LDB2: variants seen among roughly 807,000 people sequenced by gnomAD.
LDB2 encodes the protein LIM domain-binding protein 2.
A neutral mutation model predicts 44.3 loss-of-function variants in LDB2; 12 were observed. The observed-to-expected ratio is 0.27, with a 90% CI of 0.17 to 0.44. The LOEUF (loss-of-function observed/expected upper bound fraction) is 0.44. Ranked by LOEUF, LDB2 falls within the 20% of genes least tolerant of loss-of-function variation. The pLI, the probability that LDB2 is intolerant of heterozygous loss-of-function variation, is 1.00. For missense variants in LDB2, 344 were observed against 473.5 expected (o/e 0.73, Z 2.54); for synonymous variants, 164 against 174.8 (o/e 0.94, Z 0.49).
At chr4:16,603,612 T>G (rs1235803315) in intron 2 of LDB2, among the ~76,000 whole-genome samples, 4 of 152,196 alleles carry the variant, frequency 2.6e-5, no homozygotes, top group Non-Finnish European at 5.9e-5. Flanking sequence ...TCTGACAGAT[T>G]TATTTTTGCC....
chr4:16,663,372 G>C (rs1294546758), intron 2 of LDB2, among the ~76,000 whole-genome samples: 1 of 152,174 alleles, frequency 6.6e-6, no homozygotes, highest in Admixed American at 6.5e-5. Flanking sequence ...TATTAATTGG[G>C]ACGTAACTGA....
chr4:16,660,349 T>A (rs1301173479), intron 2 of LDB2, among the ~76,000 whole-genome samples: 1 of 152,178 alleles, frequency 6.6e-6, no homozygotes, highest in Non-Finnish European at 1.5e-5. Context: ...ACAGGCTCAC[T>A]GAAACTCAAT....
At chr4:16,602,521 CT>C (rs1211461657) in intron 2 of LDB2, among the ~76,000 whole-genome samples, 1 of 152,128 alleles carries the variant, frequency 6.6e-6, no homozygotes, top group East Asian at 1.9e-4. Context: ...GTGGGACTTT[CT>C]AAACCACGGC....
At chr4:16,802,153 T>A (rs1356818553) in intron 1 of LDB2, among the ~76,000 whole-genome samples, 4 of 152,150 alleles carry the variant, frequency 2.6e-5, no homozygotes, top group African/African-American at 9.7e-5. Context: ...CTGCCCCATC[T>A]CCACAGTGAG....
intron 2 of LDB2, among the ~76,000 whole-genome samples, chr4:16,700,113 T>C (rs1753121698): frequency 1.3e-5 from 2 of 152,148 alleles, no homozygotes; most frequent in South Asian, 4.2e-4. Context: ...AATGCTCCAA[T>C]GAACATTTCC....
At chr4:16,716,015 C>A (rs1240154674) in intron 2 of LDB2, among the ~76,000 whole-genome samples, 1 of 152,258 alleles carries the variant, frequency 6.6e-6, no homozygotes, top group East Asian at 1.9e-4. Flanking sequence ...CTCCCAGTAA[C>A]TTCTTAGGCT....
In LDB2 at chr4:16,895,977, C is replaced by A. The variant is rs115740446; in HGVS notation, c.132+2377G>T. Reference sequence around the variant, plus strand: ...CTCCCCTTTTCATATGAAATAAAAACAAATGTATGGCATTGCGTTCATGAC... The same window carrying A: ...CTCCCCTTTTCATATGAAATAAAAAAAAATGTATGGCATTGCGTTCATGAC... On this transcript the variant is annotated intron_variant, in intron 1 of 7. Transcript: ENST00000304523. 3.8e-3 allele frequency among the ~76,000 whole-genome samples: 572 copies of A among 151,778 alleles called. 4 individuals carry two copies. Among genetic ancestry groups the A allele is most frequent in the African/African-American group, 0.012 (514 of 41,384 alleles).
chr4:16,617,882 A>C (rs1430663471), intron 2 of LDB2, among the ~76,000 whole-genome samples: 3 of 152,192 alleles, frequency 2.0e-5, no homozygotes, highest in Non-Finnish European at 4.4e-5. Context: ...GTATTGATGG[A>C]GTCCTTTAGA....
At chr4:16,586,290 A>G (rs570164718) in intron 4 of LDB2, among the ~76,000 whole-genome samples, 1 of 152,140 alleles carries the variant, frequency 6.6e-6, no homozygotes, top group East Asian at 1.9e-4. Flanking sequence ...AGGCCTTGGC[A>G]CTCGGGTCTC....
chr4:16,531,652 T>C (rs1577424102), intron 5 of LDB2, among the ~76,000 whole-genome samples: 1 of 152,192 alleles, frequency 6.6e-6, no homozygotes, highest in Non-Finnish European at 1.5e-5. Flanking sequence ...CAAACCTTAA[T>C]TGTCTTGTTC....
intron 5 of LDB2, among the ~76,000 whole-genome samples, chr4:16,514,624 G>T (rs1722968777): frequency 6.6e-6 from 1 of 152,150 alleles, no homozygotes; most frequent in South Asian, 2.1e-4. Flanking sequence ...AGGGCCAGCT[G>T]CACTTTTCTT....
At chr4:16,801,056 G>A (rs1777735071) in intron 1 of LDB2, among the ~76,000 whole-genome samples, 1 of 152,204 alleles carries the variant, frequency 6.6e-6, no homozygotes, top group Non-Finnish European at 1.5e-5. Flanking sequence ...ATGACCCTGA[G>A]GATGAAGTCA....
intron 1 of LDB2, among the ~76,000 whole-genome samples, chr4:16,882,722 T>G (rs1309795542): frequency 1.3e-5 from 2 of 152,230 alleles, no homozygotes; most frequent in Non-Finnish European, 1.5e-5. Context: ...ACAGTATTTT[T>G]TTTTCAACAG....
chr4:16,797,346 A>C (rs1479064686), intron 1 of LDB2, among the ~76,000 whole-genome samples: 1 of 152,210 alleles, frequency 6.6e-6, no homozygotes, highest in Non-Finnish European at 1.5e-5. Context: ...ACTAAGGATC[A>C]TACTAAGATC....
At chr4:16,818,753 T>C (rs544812530) in intron 1 of LDB2, among the ~76,000 whole-genome samples, 4 of 152,344 alleles carry the variant, frequency 2.6e-5, no homozygotes, top group African/African-American at 9.6e-5. Flanking sequence ...GGAAGTTGTA[T>C]ATATTTTTTC....
chr4:16,678,935 G>A (rs1363985082), intron 2 of LDB2, among the ~76,000 whole-genome samples: 2 of 152,056 alleles, frequency 1.3e-5, no homozygotes, highest in African/African-American at 2.4e-5. Context: ...CAAATATAGG[G>A]ATGAAGGGTG....
At chr4:16,505,541 C>T (rs752204821) in intron 7 of LDB2, among the ~76,000 whole-genome samples, 2 of 152,188 alleles carry the variant, frequency 1.3e-5, no homozygotes, top group Non-Finnish European at 2.9e-5. Flanking sequence ...ATTTGTTATT[C>T]TCACACAAAA....
At chr4:16,789,804 C>A (rs1016395181) in intron 1 of LDB2, among the ~76,000 whole-genome samples, 2 of 152,222 alleles carry the variant, frequency 1.3e-5, no homozygotes, top group South Asian at 4.2e-4. Context: ...TGATGGCATA[C>A]GCCTGTAGTC....
chr4:16,643,392 T>C (rs143133065), intron 2 of LDB2, among the ~76,000 whole-genome samples: 6 of 152,312 alleles, frequency 3.9e-5, no homozygotes, highest in African/African-American at 1.4e-4. Flanking sequence ...ATAGTTCTTT[T>C]CTCACAGACA....
Sources: gnomAD v4.1 joint callset for allele counts (sites outside exome capture counted in the v4.1 genomes callset) on GRCh38, gnomAD v4.1.1 for gene constraint, MANE v1.5 for transcripts, NCBI Gene and HGNC (gene_info 2026-07-23, HGNC 2026-07-21) for gene names.